PCDHGA5: variants seen among roughly 807,000 people sequenced by gnomAD.
PCDHGA5 encodes protocadherin gamma subfamily A, 5.
In PCDHGA5, 36 loss-of-function variants were observed where a neutral mutation model predicts 56.7. That is an observed-to-expected ratio of 0.64 (90% CI 0.49 to 0.84). The LOEUF (loss-of-function observed/expected upper bound fraction) is 0.84, where lower values mean the gene tolerates loss of function less well. Ranked by LOEUF, PCDHGA5 falls within the 40% of genes least tolerant of loss-of-function variation. The pLI is 0.00. For missense variants in PCDHGA5, 1,305 were observed against 1,201.5 expected (o/e 1.09, Z -1.27); for synonymous variants, 563 against 520.2 (o/e 1.08, Z -1.12).
At position 141,489,077 on chromosome 5, in the gene PCDHGA5, C is replaced by T. The variant is rs957205894; in HGVS notation, c.2422-5730C>T. 7 of 325,682 alleles carry T rather than the reference C, an allele frequency of 2.1e-5. 1 individual carries two copies. Among genetic ancestry groups the T allele is most frequent in the South Asian group, 1.5e-4 (3 of 20,214 alleles). 20.2% of individuals were successfully genotyped at this position (325,682 alleles called of 1,614,324 possible). The stretch of plus-strand genomic sequence containing the variant: ...AGCTCCCCTCCCCCCTGCCCACCCC[C>T]GCCACTCGGTGACTAAGAACTGCTG... On this transcript the variant is annotated intron_variant, in intron 1 of 3. Transcript: ENST00000518069. This position sits in a 1 kb window ranked among gnomAD's most constrained non-coding sequence, Gnocchi z 4.5.
chr5:141,504,158 T>G (rs890874880), intron 2 of PCDHGA5, among the ~76,000 whole-genome samples: 1 of 152,222 alleles, frequency 6.6e-6, no homozygotes, highest in Non-Finnish European at 1.5e-5. Context: ...TGAAATAATT[T>G]CATCCTTGGA....
chr5:141,438,591 CATATATATATAT>C lies in PCDHGA5; in HGVS notation c.2422-56182_2422-56171del, dbSNP rs946798767. ...TCTGATATACATACATACATACATACATATATATATATATATATATATATATATATATATATA... is the reference window on the plus strand; with the variant it reads ...TCTGATATACATACATACATACATACATATATATATATATATATATATATA... On this transcript the variant is annotated intron_variant, in intron 1 of 3. Coordinates refer to ENST00000518069, the MANE Select transcript of PCDHGA5 (RefSeq NM_018918.3). Among the ~76,000 whole-genome samples the C allele has an allele frequency of 1.5e-4, 11 of 75,568 alleles. No homozygotes were observed. The East Asian group carries it at 2.8e-3, about 19-fold the overall frequency. The allele number at this position is 75,568 out of a possible 152,430, so 49.6% of individuals were successfully genotyped here.
At chr5:141,461,820 A>AT (rs1458631685) in intron 1 of PCDHGA5, among the ~76,000 whole-genome samples, 5 of 147,814 alleles carry the variant, frequency 3.4e-5, no homozygotes, top group African/African-American at 7.5e-5. Context: ...CACCCAGCTA[A>AT]TTTTTTTTTC....
intron 1 of PCDHGA5, chr5:141,383,043 C>G: frequency 9.3e-6 from 15 of 1,613,860 alleles, no homozygotes; most frequent in Non-Finnish European, 1.3e-5. Context: ...TGGGAGACAT[C>G]GCCAAGGACC....
rs1175439180 is a variant in PCDHGA5 at position 141,365,941 on chromosome 5, T to A, written c.1611T>A (p.Ser537Arg). ...AGTTGTGGGTGACAGCCAGCGACAG[T>A]GGGAACCCTCCACTTAGCAGCAACG... ...DLQLWVTASDSGNPPLSSNVS... is the reference protein window; with the variant it reads ...DLQLWVTASDRGNPPLSSNVS... Residue 537 changes from serine (S) to arginine (R), a missense_variant, in exon 1 of 4, where the codon AGT (serine) becomes AGA (arginine). Transcript: ENST00000518069. 6.2e-7 allele frequency: 1 copy of A among 1,614,152 alleles called. No homozygotes were observed. The highest frequency in any genetic ancestry group is 2.2e-5 in the East Asian group (1 of 44,878).
At chr5:141,376,678 T>C in intron 1 of PCDHGA5, 2 of 277,706 alleles carry the variant, frequency 7.2e-6, no homozygotes, top group East Asian at 7.3e-5. Flanking sequence ...AGGGTATCGT[T>C]TTTTTTTTTT....
intron 1 of PCDHGA5, chr5:141,384,650 C>T (rs1213467381): frequency 6.2e-7 from 1 of 1,614,104 alleles, no homozygotes; most frequent in East Asian, 2.2e-5. Context: ...TCCGCAGAGC[C>T]CGGCTACCTG....
intron 1 of PCDHGA5, among the ~76,000 whole-genome samples, chr5:141,397,520 TA>T (rs2093534630): frequency 6.6e-6 from 1 of 152,170 alleles, no homozygotes; most frequent in South Asian, 2.1e-4. Flanking sequence ...CCATAGCTAA[TA>T]AAAAATGAAT....
At chr5:141,399,825 C>G (rs1439243162) in intron 1 of PCDHGA5, 14 of 1,613,060 alleles carry the variant, frequency 8.7e-6, no homozygotes, top group Non-Finnish European at 1.2e-5. Context: ...TGGGTCCCGA[C>G]GGCTCTGCGC....
intron 1 of PCDHGA5, among the ~76,000 whole-genome samples, chr5:141,407,414 C>T (rs1190741475): frequency 6.6e-6 from 1 of 152,156 alleles, no homozygotes; most frequent in Non-Finnish European, 1.5e-5. Flanking sequence ...TTCGATACCA[C>T]AAAAATGTCT....
intron 1 of PCDHGA5, chr5:141,433,288 G>A (rs2097582001): frequency 5.3e-6 from 6 of 1,136,424 alleles, no homozygotes; most frequent in Non-Finnish European, 7.5e-6. Flanking sequence ...CAAACTCCTA[G>A]GCTCAAGCAA....
chr5:141,400,235 T>G, intron 1 of PCDHGA5: 4 of 1,614,006 alleles, frequency 2.5e-6, no homozygotes, highest in Non-Finnish European at 3.4e-6. Context: ...CTCCTGGCCG[T>G]GATTCTGGCC....
intron 1 of PCDHGA5, chr5:141,376,190 G>T: frequency 6.2e-7 from 1 of 1,614,116 alleles, no homozygotes; most frequent in African/African-American, 1.3e-5. Flanking sequence ...GGTCTCCTGC[G>T]TCTTCCTGGC....
At chr5:141,458,413 G>A (rs138479316) in intron 1 of PCDHGA5, among the ~76,000 whole-genome samples, 1 of 152,196 alleles carries the variant, frequency 6.6e-6, no homozygotes, top group East Asian at 1.9e-4. Context: ...CGGAGCGGGG[G>A]TTCCAAAGCT....
rs1395688351 is a variant in PCDHGA5 at position 141,485,907 on chromosome 5, C to A, written c.2422-8900C>A. On this transcript the variant is annotated intron_variant, in intron 1 of 3. Coordinates refer to ENST00000518069, the MANE Select transcript of PCDHGA5 (RefSeq NM_018918.3). The surrounding 1 kb of genome is among the most constrained non-coding windows in gnomAD (Gnocchi z 5.7). ...GACAACGCCCCAGCCTTCCAGCAAT[C>A]CAGCTACAGGATTAGTGTGTTGGAG... is the stretch of plus-strand genomic sequence containing the variant. 6.2e-7 allele frequency: 1 copy of A among 1,614,176 alleles called. No homozygotes were observed.
At chr5:141,383,848 A>G in intron 1 of PCDHGA5, 1 of 1,613,980 alleles carries the variant, frequency 6.2e-7, no homozygotes. Flanking sequence ...CTTCTATGAA[A>G]TGGAGGTTCA....
Position 141,487,928 on chromosome 5 carries a change from A to G in PCDHGA5, c.2422-6879A>G. Reference sequence around the variant, plus strand: ...GGGAGCACAGGAGGCTACAGTGCACAGGGTACAGTGCACCAGGCAGTCACT... The same window carrying G: ...GGGAGCACAGGAGGCTACAGTGCACGGGGTACAGTGCACCAGGCAGTCACT... On this transcript the variant is annotated intron_variant, in intron 1 of 3. Transcript: ENST00000518069. The surrounding 1 kb of genome is among the most constrained non-coding windows in gnomAD (Gnocchi z 5.0). The G allele has an allele frequency of 3.2e-6, 2 of 620,886 alleles. No homozygotes were observed. The highest frequency in any genetic ancestry group is 5.6e-6 in the Non-Finnish European group (2 of 355,916). The allele number at this position is 620,886 out of a possible 1,614,324, so 38.5% of individuals were successfully genotyped here. A position where few individuals can be genotyped will look rare whatever the true frequency, so the allele number is the denominator to read the frequency against.
At chr5:141,422,887 C>T in intron 1 of PCDHGA5, 1 of 1,614,264 alleles carries the variant, frequency 6.2e-7, no homozygotes, top group Non-Finnish European at 8.5e-7. Context: ...CCTGTTCGTG[C>T]TGGACCAGAA....
At position 141,366,660 on chromosome 5, in the gene PCDHGA5, A is replaced by G; in HGVS notation, c.2330A>G (p.Asp777Gly). 2 of 1,614,254 alleles carry G rather than the reference A, an allele frequency of 1.2e-6. No individual in the cohort carries two copies. The highest frequency in any genetic ancestry group is 1.7e-6 in the Non-Finnish European group (2 of 1,180,036). The change falls in exon 1 of 4, where the codon GAC (aspartate) becomes GGC (glycine). Residue 777 changes from aspartate (D) to glycine (G), a missense_variant. Physicochemically the swap from Asp to Gly is moderately conservative, Grantham distance 94 (BLOSUM62 -1). Coordinates refer to ENST00000518069, the MANE Select transcript of PCDHGA5 (RefSeq NM_018918.3). ...HLIFPQPNYA[D>G]TLLSEESCEK... is the part of the protein sequence containing the mutation. ...ATCTTTCCCCAGCCCAACTACGCAG[A>G]CACGCTCCTTAGTGAAGAGAGCTGT...
Sources: gnomAD v4.1 joint callset for allele counts (sites outside exome capture counted in the v4.1 genomes callset) on GRCh38, gnomAD v4.1.1 for gene constraint, Gnocchi (gnomAD v3.1) non-coding constraint, MANE v1.5 for transcripts, NCBI Gene and HGNC (gene_info 2026-07-23, HGNC 2026-07-21) for gene names.